ABTB2: variants seen among roughly 807,000 people sequenced by gnomAD.
ABTB2 encodes ankyrin repeat and BTB domain containing 2, also known as ankyrin repeat and BTB/POZ domain-containing protein 2.
Under a neutral mutation model 104.1 loss-of-function variants are expected in ABTB2, and 56 were observed. The observed-to-expected ratio is 0.54, with a 90% CI of 0.43 to 0.67. The LOEUF (loss-of-function observed/expected upper bound fraction) is 0.67, where lower values mean the gene tolerates loss of function less well. ABTB2 is among the 30% of genes least tolerant of loss of function. The pLI, the probability that ABTB2 is intolerant of heterozygous loss-of-function variation, is 0.00. For missense variants in ABTB2, 1,279 were observed against 1,407.7 expected (o/e 0.91, Z 1.46); for synonymous variants, 606 against 608.2 (o/e 1.00, Z 0.05).
intron 1 of ABTB2, among the ~76,000 whole-genome samples, chr11:34,239,950 AT>A (rs1231115157): frequency 6.6e-6 from 1 of 152,178 alleles, no homozygotes; most frequent in Non-Finnish European, 1.5e-5. Context: ...TAAATACTGG[AT>A]AAAGAGCCAA....
Position 34,357,147 on chromosome 11 carries a change from A to G in ABTB2, c.437T>C (p.Leu146Pro). The G allele has an allele frequency of 6.7e-7, 1 of 1,495,430 alleles. No individual in the cohort carries two copies. The allele number at this position is 1,495,430 out of a possible 1,614,324, so 92.6% of individuals were successfully genotyped here. A position where few individuals can be genotyped will look rare whatever the true frequency, so the allele number is the denominator to read the frequency against. ...GGTGCACTTGGCGTGCAGCACGCTCAGGCGCTGCGCCTCGCGGGCCACGCG... is the reference window on the plus strand; with the variant it reads ...GGTGCACTTGGCGTGCAGCACGCTCGGGCGCTGCGCCTCGCGGGCCACGCG... Reference protein sequence around the residue: ...LIRVAREAQRLSVLHAKCTRF... With the variant: ...LIRVAREAQRPSVLHAKCTRF... The change falls in exon 1 of 17, where the codon CTG (leucine) becomes CCG (proline). Residue 146 changes from leucine to proline, a missense_variant. Coordinates refer to ENST00000435224, the MANE Select transcript of ABTB2 (RefSeq NM_145804.3).
At position 34,204,333 on chromosome 11, in the gene ABTB2, A is replaced by G. The variant is rs540147561; in HGVS notation, c.1030+211T>C. On this transcript the variant is annotated intron_variant, in intron 2 of 16. Transcript: ENST00000435224. ...GAATGGGGTACCATGTTGCTAGATCATTTGTTTTTTCAAGAGAAACCAGAA... is the reference window on the plus strand; with the variant it reads ...GAATGGGGTACCATGTTGCTAGATCGTTTGTTTTTTCAAGAGAAACCAGAA... 3.8e-4 allele frequency among the ~76,000 whole-genome samples: 58 copies of G among 152,268 alleles called. No homozygotes were observed. In the Middle Eastern group the frequency reaches 0.01, roughly 27 times the overall value.
intron 1 of ABTB2, among the ~76,000 whole-genome samples, chr11:34,292,440 C>T (rs1299943510): frequency 6.6e-6 from 1 of 152,092 alleles, no homozygotes; most frequent in East Asian, 1.9e-4. Flanking sequence ...CTTCACAGAC[C>T]ATGTGAAGGC....
At chr11:34,299,046 A>G (rs1450674302) in intron 1 of ABTB2, among the ~76,000 whole-genome samples, 1 of 152,264 alleles carries the variant, frequency 6.6e-6, no homozygotes, top group African/African-American at 2.4e-5. Context: ...TGCAATGTAG[A>G]AAACATTAAG....
At chr11:34,315,789 C>G (rs2755143) in intron 1 of ABTB2, among the ~76,000 whole-genome samples, 18,138 of 152,148 alleles carry the variant, frequency 0.12, 2,924 homozygotes, top group African/African-American at 0.36. Context: ...GCAGCCACCC[C>G]CCAGGTTTCC....
intron 1 of ABTB2, among the ~76,000 whole-genome samples, chr11:34,320,278 G>T (rs941142265): frequency 6.6e-6 from 1 of 152,166 alleles, no homozygotes; most frequent in African/African-American, 2.4e-5. Flanking sequence ...AAGGCACTCA[G>T]GTTTTGAGAA....
At chr11:34,159,648 A>T (rs1852679616) in intron 13 of ABTB2, among the ~76,000 whole-genome samples, 2 of 152,182 alleles carry the variant, frequency 1.3e-5, no homozygotes, top group Admixed American at 6.5e-5. Flanking sequence ...TCATTCCAGG[A>T]TATTTATGTT....
chr11:34,320,889 A>G (rs1854993190), intron 1 of ABTB2, among the ~76,000 whole-genome samples: 1 of 152,158 alleles, frequency 6.6e-6, no homozygotes, highest in African/African-American at 2.4e-5. Flanking sequence ...CGCCATTTAA[A>G]GATGTTTTAC....
intron 1 of ABTB2, among the ~76,000 whole-genome samples, chr11:34,293,915 AG>A (rs1854592146): frequency 6.6e-6 from 1 of 152,154 alleles, no homozygotes; most frequent in Admixed American, 6.5e-5. Flanking sequence ...TAATAGAGAC[AG>A]GGTTTCACTA....
intron 1 of ABTB2, among the ~76,000 whole-genome samples, chr11:34,296,572 T>A (rs757612673): frequency 1.3e-5 from 2 of 152,132 alleles, no homozygotes; most frequent in Non-Finnish European, 1.5e-5. Flanking sequence ...AAGGCCAGTG[T>A]GCCCTGTGGA....
chr11:34,173,140 C>G lies in ABTB2; in HGVS notation c.1397+15G>C, dbSNP rs747177224. 1 of 1,613,450 alleles carries G rather than the reference C, an allele frequency of 6.2e-7. No individual in the cohort carries two copies. The highest frequency in any genetic ancestry group is 8.5e-7 in the Non-Finnish European group (1 of 1,179,908). ...GTCATGGATGCCGGGGCCCTCCCTC[C>G]TCCCTGGTTCATACTTGAGCTGCCG... On this transcript the variant is annotated intron_variant, in intron 4 of 16. Coordinates refer to ENST00000435224, the MANE Select transcript of ABTB2 (RefSeq NM_145804.3).
intron 1 of ABTB2, among the ~76,000 whole-genome samples, chr11:34,306,653 G>A (rs1311181543): frequency 6.6e-6 from 1 of 151,980 alleles, no homozygotes; most frequent in Non-Finnish European, 1.5e-5. Flanking sequence ...GAGCCCAGGA[G>A]TGTGAGGCTG....
At chr11:34,315,507 C>A (rs190605695) in intron 1 of ABTB2, among the ~76,000 whole-genome samples, 8 of 152,272 alleles carry the variant, frequency 5.3e-5, no homozygotes, top group Admixed American at 6.5e-5. Context: ...AGGCCCCAAT[C>A]ATTCATGAGG....
In ABTB2 at chr11:34,299,205, C is replaced by T. The variant is rs1487435186; in HGVS notation, c.883+57496G>A. Among the ~76,000 whole-genome samples, 4 of 152,120 alleles carry T rather than the reference C, an allele frequency of 2.6e-5. No individual in the cohort carries two copies. The East Asian group carries it at 7.7e-4, about 29-fold the overall frequency. ...AAGTAGGTAAAAAGGATAGACTGGGCAGGGGTTTGGACTGGGGGGCAGGAA... is the reference window on the plus strand; with the variant it reads ...AAGTAGGTAAAAAGGATAGACTGGGTAGGGGTTTGGACTGGGGGGCAGGAA... On this transcript the variant is annotated intron_variant, in intron 1 of 16. Transcript: ENST00000435224.
chr11:34,273,628 A>G (rs1854346458), intron 1 of ABTB2, among the ~76,000 whole-genome samples: 1 of 152,132 alleles, frequency 6.6e-6, no homozygotes, highest in Non-Finnish European at 1.5e-5. Flanking sequence ...GGGATGGAAC[A>G]GGGCCTGATC....
At position 34,247,783 on chromosome 11, in the gene ABTB2, C is replaced by T. The variant is rs1488070661; in HGVS notation, c.884-43093G>A. ...ATCAGATACTCTGCTAAGCACTTCA[C>T]ATGTACCATTTCATTTAAACCTCCT... On this transcript the variant is annotated intron_variant, in intron 1 of 16. Coordinates refer to ENST00000435224, the MANE Select transcript of ABTB2 (RefSeq NM_145804.3). Among the ~76,000 whole-genome samples, 3 of 152,226 alleles carry T rather than the reference C, an allele frequency of 2.0e-5. No individual in the cohort carries two copies. In the East Asian group the frequency reaches 5.8e-4, roughly 29 times the overall value.
rs1024117533 is a variant in ABTB2 at position 34,356,083 on chromosome 11, G to T, written c.883+618C>A. Among the ~76,000 whole-genome samples the T allele has an allele frequency of 1.3e-5, 2 of 152,080 alleles. No homozygotes were observed. The highest frequency in any genetic ancestry group is 2.9e-5 in the Non-Finnish European group (2 of 67,998). The stretch of plus-strand genomic sequence containing the variant: ...TGGGAAGGGGAGTCGGGGTCCCCAG[G>T]TTTCATCATTCCTGGGCACATATAG... On this transcript the variant is annotated intron_variant, in intron 1 of 16. Coordinates refer to ENST00000435224, the MANE Select transcript of ABTB2 (RefSeq NM_145804.3). This position sits in a 1 kb window ranked among gnomAD's most constrained non-coding sequence, Gnocchi z 4.6.
intron 1 of ABTB2, among the ~76,000 whole-genome samples, chr11:34,299,770 C>T (rs544065739): frequency 6.6e-6 from 1 of 152,342 alleles, no homozygotes; most frequent in Non-Finnish European, 1.5e-5. Context: ...ACTCCTCTTA[C>T]ATTAGAAATA....
At position 34,151,803 on chromosome 11, in the gene ABTB2, A is replaced by G. The variant is rs933942033; in HGVS notation, c.*584T>C. ...TCCGGGTGGCAGCAGTCGTGGTGGC[A>G]GGGGGGGGTCCACAGGCCACTGGAT... is the stretch of plus-strand genomic sequence containing the variant. On this transcript the variant is annotated 3_prime_UTR_variant, in exon 17 of 17. Transcript: ENST00000435224. 2 of 152,316 alleles carry G rather than the reference A, an allele frequency of 1.3e-5. No individual in the cohort carries two copies. The highest frequency in any genetic ancestry group is 2.4e-5 in the African/African-American group (1 of 41,210). 9.4% of individuals were successfully genotyped at this position (152,316 alleles called of 1,614,324 possible).
Sources: gnomAD v4.1 joint callset for allele counts (sites outside exome capture counted in the v4.1 genomes callset) on GRCh38, gnomAD v4.1.1 for gene constraint, Gnocchi (gnomAD v3.1) non-coding constraint, MANE v1.5 for transcripts, NCBI Gene and HGNC (gene_info 2026-07-23, HGNC 2026-07-21) for gene names.